The following HS3ST4 variants were observed in gnomAD, a reference collection of about 807,000 sequenced individuals.
HS3ST4 encodes heparan sulfate glucosamine 3-O-sulfotransferase 4.
Under a neutral mutation model 29.2 loss-of-function variants are expected in HS3ST4, and 17 were observed. The ratio of observed to expected loss-of-function variants is 0.58; its 90% CI spans 0.40 to 0.87. The LOEUF (loss-of-function observed/expected upper bound fraction) is 0.87. Among genes scored for constraint, HS3ST4 ranks in the 40% least tolerant of loss-of-function variants. The probability of loss-of-function intolerance (pLI) is 0.00; values close to 1 mark genes in which losing one functional copy is unlikely to be tolerated. For missense variants in HS3ST4, 627 were observed against 634.5 expected, an observed-to-expected ratio of 0.99 and a Z score of 0.13; for synonymous variants, 314 against 285.7, an observed-to-expected ratio of 1.10 and a Z score of -1.00.
At chr16:25,911,060 C>T (rs1335521744) in intron 1 of HS3ST4, among the ~76,000 whole-genome samples, 1 of 152,090 alleles carries the variant, frequency 6.6e-6, no homozygotes, top group African/African-American at 2.4e-5. Context: ...CTGTAAGGGC[C>T]AATAAATAGT....
At chr16:25,791,697 A>C (rs1019202080) in intron 1 of HS3ST4, among the ~76,000 whole-genome samples, 2 of 152,032 alleles carry the variant, frequency 1.3e-5, no homozygotes, top group African/African-American at 2.4e-5. Flanking sequence ...TCATTTTTGA[A>C]TTGTTACTAA....
chr16:25,786,191 A>G (rs1966857434), intron 1 of HS3ST4, among the ~76,000 whole-genome samples: 1 of 152,174 alleles, frequency 6.6e-6, no homozygotes, highest in East Asian at 1.9e-4. Context: ...AATGGGCATT[A>G]TTGCGCAGGG....
rs1898280853 is a variant in HS3ST4 at position 26,136,110 on chromosome 16, G to A, written c.1233G>A (p.Lys411=). Residue 411 remains lysine, a synonymous_variant, in exon 2 of 2, where the codon AAG becomes AAA. Transcript: ENST00000331351. ...EDSSAPRCLG[K]SKGRTHPRID... is the part of the protein sequence containing the mutation. ...GCAGTGCCCCGAGGTGCTTAGGCAA[G>A]AGCAAAGGTCGGACTCATCCTCGCA... 1 of 1,613,708 alleles carries A rather than the reference G, an allele frequency of 6.2e-7. No homozygotes were observed. Among genetic ancestry groups the A allele is most frequent in the African/African-American group, 1.3e-5 (1 of 75,058 alleles).
chr16:25,985,650 T>A (rs1457823366), intron 1 of HS3ST4, among the ~76,000 whole-genome samples: 1 of 152,166 alleles, frequency 6.6e-6, no homozygotes, highest in Non-Finnish European at 1.5e-5. Flanking sequence ...TTATTACTTA[T>A]TTTTTATTTT....
chr16:26,093,371 C>A (rs924013321), intron 1 of HS3ST4, among the ~76,000 whole-genome samples: 1 of 152,140 alleles, frequency 6.6e-6, no homozygotes, highest in African/African-American at 2.4e-5. Flanking sequence ...GCGGGTGCTC[C>A]TCTGGGACAA....
intron 1 of HS3ST4, among the ~76,000 whole-genome samples, chr16:25,985,369 C>T (rs1158368744): frequency 6.6e-6 from 1 of 152,120 alleles, no homozygotes; most frequent in African/African-American, 2.4e-5. Context: ...TAGGTGGTTG[C>T]TTGCAGTTCT....
chr16:25,727,343 C>T (rs1277189097), intron 1 of HS3ST4, among the ~76,000 whole-genome samples: 1 of 152,050 alleles, frequency 6.6e-6, no homozygotes, highest in East Asian at 1.9e-4. Context: ...GAAGCAATCT[C>T]CAAGATCTGC....
rs999406050 is a variant in HS3ST4 at position 26,034,477 on chromosome 16, A to G, written c.735-101135A>G. Reference sequence around the variant, plus strand: ...CCTGCTCTTATGCTATGTGCCATACAGAGAAAGTCGGCTTTCCCTTCTCTT... The same window carrying G: ...CCTGCTCTTATGCTATGTGCCATACGGAGAAAGTCGGCTTTCCCTTCTCTT... On this transcript the variant is annotated intron_variant, in intron 1 of 1. Coordinates refer to ENST00000331351, the MANE Select transcript of HS3ST4 (RefSeq NM_006040.3). Among the ~76,000 whole-genome samples, 8 of 152,204 alleles carry G rather than the reference A, an allele frequency of 5.3e-5. 1 individual carries two copies. Among genetic ancestry groups the G allele is most frequent in the African/African-American group, 1.9e-4 (8 of 41,450 alleles).
intron 1 of HS3ST4, among the ~76,000 whole-genome samples, chr16:25,867,004 T>C (rs1255275600): frequency 6.6e-6 from 1 of 152,202 alleles, no homozygotes; most frequent in African/African-American, 2.4e-5. Context: ...TAGGGAATCC[T>C]GGAAGACCCA....
At chr16:26,058,760 G>A (rs778086057) in intron 1 of HS3ST4, among the ~76,000 whole-genome samples, 6 of 152,086 alleles carry the variant, frequency 3.9e-5, no homozygotes, top group Admixed American at 1.3e-4. Flanking sequence ...TGGAAGCGTC[G>A]TCAGAACACC....
chr16:25,809,258 T>G (rs550635409), intron 1 of HS3ST4, among the ~76,000 whole-genome samples: 34 of 152,324 alleles, frequency 2.2e-4, no homozygotes, highest in African/African-American at 8.2e-4. Flanking sequence ...TAGGAAGATT[T>G]AGTTACACTC....
At chr16:25,693,333 G>T (rs1002160001) in intron 1 of HS3ST4, among the ~76,000 whole-genome samples, 182 bp downstream of exon 1, 3 of 152,148 alleles carry the variant, frequency 2.0e-5, no homozygotes, top group African/African-American at 7.2e-5. Context: ...GGACTCCAGC[G>T]AAAGGTCACT....
chr16:25,756,581 C>T (rs532690068), intron 1 of HS3ST4, among the ~76,000 whole-genome samples: 19 of 152,238 alleles, frequency 1.2e-4, no homozygotes, highest in African/African-American at 3.9e-4. Flanking sequence ...CAAAGAAGAT[C>T]GCAGATCTTC....
intron 1 of HS3ST4, among the ~76,000 whole-genome samples, chr16:25,820,054 A>C: frequency 6.8e-6 from 1 of 147,626 alleles, no homozygotes; most frequent in Non-Finnish European, 1.5e-5. Flanking sequence ...AAAAAAGAAA[A>C]AGAAAAAAAG....
chr16:25,822,942 T>C (rs1435219606), intron 1 of HS3ST4, among the ~76,000 whole-genome samples: 1 of 152,080 alleles, frequency 6.6e-6, no homozygotes, highest in African/African-American at 2.4e-5. Flanking sequence ...TTCCCTATGT[T>C]GGTCAGGCTG....
chr16:25,714,280 C>T (rs551040033), intron 1 of HS3ST4, among the ~76,000 whole-genome samples: 83 of 152,328 alleles, frequency 5.4e-4, no homozygotes, highest in African/African-American at 1.9e-3. Context: ...CAACCTCATT[C>T]GCCAGACGGG....
intron 1 of HS3ST4, among the ~76,000 whole-genome samples, chr16:25,822,029 C>T (rs901476436): frequency 6.6e-6 from 1 of 152,170 alleles, no homozygotes; most frequent in Non-Finnish European, 1.5e-5. Flanking sequence ...TGTTTTTCAT[C>T]CTCTCCTGTA....
chr16:25,807,189 G>A (rs1966998442), intron 1 of HS3ST4, among the ~76,000 whole-genome samples: 1 of 152,062 alleles, frequency 6.6e-6, no homozygotes, highest in African/African-American at 2.4e-5. Context: ...GACTGGGCTG[G>A]TCTCGAACTC....
In HS3ST4 at chr16:25,978,942, G is replaced by GTTTTT. The variant is rs34078514; in HGVS notation, c.735-156659_735-156655dup. On this transcript the variant is annotated intron_variant, in intron 1 of 1. Coordinates refer to ENST00000331351, the MANE Select transcript of HS3ST4 (RefSeq NM_006040.3). ...TCTTTGACTTGTTCTTTCTCTTTTT[G>GTTTTT]TTTTTTTTTTTTTTTGAGACGAGTT... 2.9e-3 allele frequency among the ~76,000 whole-genome samples: 379 copies of GTTTTT among 132,228 alleles called. 23 individuals are homozygous for GTTTTT. Among genetic ancestry groups the GTTTTT allele is most frequent in the South Asian group, 6.0e-3 (25 of 4,134 alleles). 86.7% of individuals were successfully genotyped at this position (132,228 alleles called of 152,430 possible).
Sources: gnomAD v4.1 joint callset for allele counts (sites outside exome capture counted in the v4.1 genomes callset) on GRCh38, gnomAD v4.1.1 for gene constraint, MANE v1.5 for transcripts, NCBI Gene and HGNC (gene_info 2026-07-23, HGNC 2026-07-21) for gene names.